The following CSMD3 variants were observed in gnomAD, a reference collection of about 807,000 sequenced individuals.
The protein encoded by CSMD3 is CUB and Sushi multiple domains 3, also known as CUB and sushi domain-containing protein 3.
In CSMD3, 177 loss-of-function variants were observed where a neutral mutation model predicts 435.2. The observed-to-expected ratio is 0.41, with a 90% confidence interval of 0.36 to 0.46. CSMD3 has a LOEUF of 0.46. Ranked by LOEUF, CSMD3 falls within the 20% of genes least tolerant of loss-of-function variation. The pLI is 0.34. For missense variants in CSMD3, 4,265 were observed against 4,504.6 expected, an observed-to-expected ratio of 0.95 and a Z score of 1.52; for synonymous variants, 1,656 against 1,520.5, an observed-to-expected ratio of 1.09 and a Z score of -2.07.
chr8:112,589,449 C>T (rs979146565), intron 22 of CSMD3, among the ~76,000 whole-genome samples: 5 of 152,040 alleles, frequency 3.3e-5, no homozygotes, highest in African/African-American at 1.2e-4. Context: ...TTTCAGTATC[C>T]GGTGGCTGTG....
intron 24 of CSMD3, among the ~76,000 whole-genome samples, chr8:112,571,661 G>T (rs1016414065): frequency 5.1e-4 from 78 of 151,900 alleles, no homozygotes; most frequent in African/African-American, 1.9e-3. Flanking sequence ...CTGAGGTCAG[G>T]AGTTCAACAC....
chr8:113,202,587 T>G (rs1474927217), intron 3 of CSMD3, among the ~76,000 whole-genome samples: 1 of 152,122 alleles, frequency 6.6e-6, no homozygotes, highest in Non-Finnish European at 1.5e-5. Flanking sequence ...CCTTTTATTC[T>G]GAAAAATTTC....
At chr8:112,970,979 C>T (rs1174892230) in intron 7 of CSMD3, among the ~76,000 whole-genome samples, 5 of 152,094 alleles carry the variant, frequency 3.3e-5, no homozygotes, top group Non-Finnish European at 1.5e-5. Flanking sequence ...TCTCGGCCTC[C>T]CAAAGTGCTG....
At chr8:112,346,424 C>G (rs994430693) in intron 40 of CSMD3, among the ~76,000 whole-genome samples, 2 of 151,730 alleles carry the variant, frequency 1.3e-5, no homozygotes, top group African/African-American at 2.4e-5. Flanking sequence ...TCCTTCCTTC[C>G]TCAGAAATAA....
intron 9 of CSMD3, among the ~76,000 whole-genome samples, chr8:112,934,770 G>T (rs1044027914): frequency 3.9e-5 from 6 of 152,122 alleles, no homozygotes; most frequent in Admixed American, 2.6e-4. Flanking sequence ...ACACTGTGAT[G>T]CAAAAATATT....
At chr8:112,750,136 T>A (rs941769224) in intron 13 of CSMD3, among the ~76,000 whole-genome samples, 3 of 151,888 alleles carry the variant, frequency 2.0e-5, no homozygotes, top group African/African-American at 7.3e-5. Context: ...CAAAATCCAA[T>A]CTTAGACTAG....
chr8:112,993,198 G>A (rs1398576111), intron 6 of CSMD3, among the ~76,000 whole-genome samples: 1 of 151,720 alleles, frequency 6.6e-6, no homozygotes, highest in Admixed American at 6.6e-5. Context: ...CCAAGTGCTG[G>A]GAATGCTAAA....
intron 4 of CSMD3, among the ~76,000 whole-genome samples, chr8:113,102,449 G>C (rs1407939025): frequency 6.6e-6 from 1 of 152,110 alleles, no homozygotes; most frequent in Non-Finnish European, 1.5e-5. Context: ...ACGTTTTCAT[G>C]ATCCCTGTTC....
chr8:113,377,190 A>C, intron 1 of CSMD3: 2 of 1,174,708 alleles, frequency 1.7e-6, no homozygotes, highest in Non-Finnish European at 2.1e-6. Context: ...ATCCGCTCCA[A>C]TGGCCGGAAG....
At chr8:112,860,574 A>G (rs561028885) in intron 10 of CSMD3, among the ~76,000 whole-genome samples, 1 of 151,268 alleles carries the variant, frequency 6.6e-6, no homozygotes, top group Non-Finnish European at 1.5e-5. Flanking sequence ...TTCTCATTTC[A>G]GTGTTTAAAT....
intron 3 of CSMD3, among the ~76,000 whole-genome samples, chr8:113,238,222 C>T (rs1183971517): frequency 6.6e-6 from 1 of 152,008 alleles, no homozygotes; most frequent in Admixed American, 6.6e-5. Context: ...CAAATACACA[C>T]CATTGTAGGT....
intron 10 of CSMD3, among the ~76,000 whole-genome samples, chr8:112,904,387 A>G (rs1278154996): frequency 6.6e-6 from 1 of 151,578 alleles, no homozygotes; most frequent in African/African-American, 2.4e-5. Flanking sequence ...GTACATGACA[A>G]ATACATACAA....
intron 1 of CSMD3, among the ~76,000 whole-genome samples, chr8:113,411,293 T>A (rs901015962): frequency 1.3e-5 from 2 of 152,100 alleles, no homozygotes; most frequent in African/African-American, 4.8e-5. Flanking sequence ...AGCCTCAACC[T>A]CCAGAGACAC....
intron 63 of CSMD3, among the ~76,000 whole-genome samples, chr8:112,248,968 CTT>C (rs1355847250): frequency 6.6e-6 from 1 of 152,130 alleles, no homozygotes; most frequent in East Asian, 1.9e-4. Context: ...AGTCCCCTGA[CTT>C]GTGCTCCAGA....
At chr8:113,023,312 A>C (rs2131193861) in intron 5 of CSMD3, among the ~76,000 whole-genome samples, 1 of 152,096 alleles carries the variant, frequency 6.6e-6, no homozygotes, top group Middle Eastern at 3.4e-3. Flanking sequence ...GTCAAATCTT[A>C]AACTCAGGAT....
chr8:113,197,283 A>T (rs1399832388), intron 3 of CSMD3, among the ~76,000 whole-genome samples: 1 of 151,098 alleles, frequency 6.6e-6, no homozygotes, highest in Non-Finnish European at 1.5e-5. Context: ...ACTGTATAGA[A>T]TTGCCTTCAG....
chr8:112,478,710 C>G (rs1224790579), intron 31 of CSMD3, among the ~76,000 whole-genome samples: 2 of 152,134 alleles, frequency 1.3e-5, no homozygotes, highest in Non-Finnish European at 2.9e-5. Context: ...TGGTGAAACC[C>G]CACCTTCAAG....
intron 50 of CSMD3, among the ~76,000 whole-genome samples, chr8:112,306,703 G>A (rs977449189): frequency 4.6e-5 from 7 of 152,160 alleles, no homozygotes; most frequent in African/African-American, 1.7e-4. Context: ...AAGCCACAAT[G>A]TATGAGCTGG....
chr8:113,317,953 A>G (rs2093922222), intron 1 of CSMD3, among the ~76,000 whole-genome samples: 1 of 152,192 alleles, frequency 6.6e-6, no homozygotes, highest in African/African-American at 2.4e-5. Flanking sequence ...TAGTACGCCT[A>G]TAGTATAATT....
Sources: allele counts gnomAD v4.1 joint callset (sites outside exome capture counted in the v4.1 genomes callset), GRCh38; gene constraint gnomAD v4.1.1; transcripts MANE v1.5; gene names NCBI Gene and HGNC (gene_info 2026-07-23, HGNC 2026-07-21).